The following ARFGEF2 variants were observed in gnomAD, a reference collection of about 807,000 sequenced individuals.
ARFGEF2 encodes brefeldin A-inhibited guanine nucleotide-exchange protein 2.
A neutral mutation model predicts 219.9 loss-of-function variants in ARFGEF2; 74 were observed. The observed-to-expected ratio is 0.34, with a 90% CI of 0.28 to 0.41. The LOEUF is 0.41. ARFGEF2 is among the 10% of genes least tolerant of loss of function. ARFGEF2 has a pLI of 1.00. For synonymous variants in ARFGEF2, 733 were observed against 799.2 expected (o/e 0.92, Z 1.40); for missense variants, 1,743 against 2,218.3 (o/e 0.79, Z 4.30).
chr20:48,967,154 GT>G (rs966125325), intron 8 of ARFGEF2, among the ~76,000 whole-genome samples: 63 of 152,066 alleles, frequency 4.1e-4, no homozygotes, highest in Non-Finnish European at 4.7e-4. Flanking sequence ...CCAGAATAAT[GT>G]TTTTTTCCCC....
chr20:49,006,898 G>A (rs1476452891), intron 26 of ARFGEF2, among the ~76,000 whole-genome samples: 1 of 149,898 alleles, frequency 6.7e-6, no homozygotes, highest in East Asian at 1.9e-4. Context: ...TTTTTTTGAC[G>A]GAGTCTCTCC....
intron 34 of ARFGEF2, among the ~76,000 whole-genome samples, chr20:49,022,432 A>C (rs3091574): frequency 0.55 from 67,499 of 122,016 alleles, 16,113 homozygotes; most frequent in East Asian, 0.67. Flanking sequence ...ACAACAACAA[A>C]AAAAAAAAAC....
At chr20:48,969,351 C>T (rs917206961) in intron 9 of ARFGEF2, 74 bp downstream of exon 9, 9 of 1,611,596 alleles carry the variant, frequency 5.6e-6, no homozygotes, top group East Asian at 2.2e-5. Flanking sequence ...TTCACACTTC[C>T]CTTGTTCCAA....
At chr20:48,924,848 C>T (rs2090866819) in intron 1 of ARFGEF2, among the ~76,000 whole-genome samples, 1 of 152,182 alleles carries the variant, frequency 6.6e-6, no homozygotes, top group Non-Finnish European at 1.5e-5. Flanking sequence ...GGACAAGTTA[C>T]TTCCTTATAG....
At chr20:49,020,845 T>C (rs2426105) in intron 34 of ARFGEF2, among the ~76,000 whole-genome samples, 37,394 of 151,900 alleles carry the variant, frequency 0.25, 5,268 homozygotes, top group East Asian at 0.47. Flanking sequence ...GCAGTGAGAG[T>C]CTACACTCTG....
intron 16 of ARFGEF2, among the ~76,000 whole-genome samples, chr20:48,987,866 C>CA (rs1255776795): frequency 1.3e-5 from 2 of 152,200 alleles, no homozygotes; most frequent in Non-Finnish European, 2.9e-5. Flanking sequence ...CAGCTCACTG[C>CA]AACCTCCACC....
chr20:48,939,425 G>A (rs1306760154), intron 1 of ARFGEF2, among the ~76,000 whole-genome samples: 3 of 151,904 alleles, frequency 2.0e-5, no homozygotes, highest in Non-Finnish European at 4.4e-5. Flanking sequence ...AGTTTGGGCA[G>A]CAGCACCCCT....
chr20:48,982,505 ATGCTGGGAGAACCAC>A (rs2091302689), intron 14 of ARFGEF2, among the ~76,000 whole-genome samples: 1 of 152,148 alleles, frequency 6.6e-6, no homozygotes. Flanking sequence ...CTCAAACACC[ATGCTGGGAGAACCAC>A]TGCTGAGAGC....
At chr20:48,923,992 A>G (rs1053565864) in intron 1 of ARFGEF2, among the ~76,000 whole-genome samples, 2 of 152,246 alleles carry the variant, frequency 1.3e-5, no homozygotes, top group Non-Finnish European at 2.9e-5. Context: ...TACAGGTTAT[A>G]TGAATCACAA....
rs140849743 is a variant in ARFGEF2, at chr20:49,002,302, G to A, written c.3433-2768G>A. 4.5e-3 allele frequency among the ~76,000 whole-genome samples: 692 copies of A among 152,198 alleles called. 6 individuals are homozygous for A. The highest frequency in any genetic ancestry group is 0.016 in the African/African-American group (655 of 41,526). ...ACCATCTTAACAATTTTAAGTGTGCGGTTCAGTAGTGTTAGGTACACTCAC... is the reference window on the plus strand; with the variant it reads ...ACCATCTTAACAATTTTAAGTGTGCAGTTCAGTAGTGTTAGGTACACTCAC... On this transcript the variant is annotated intron_variant, in intron 25 of 38. Transcript: ENST00000371917.
At position 48,969,139 on chromosome 20, in the gene ARFGEF2, G is replaced by C. The variant is rs2091209762; in HGVS notation, c.1060-8G>C. Reference sequence around the variant, plus strand: ...CCACACCCAGCTGATGTTTGTTTCTGATCCTAGGAATCGGATGCACAAGGA... The same window carrying C: ...CCACACCCAGCTGATGTTTGTTTCTCATCCTAGGAATCGGATGCACAAGGA... On this transcript the variant is annotated splice_polypyrimidine_tract_variant and splice_region_variant and intron_variant, in intron 8 of 38. Transcript: ENST00000371917. The C allele has an allele frequency of 6.2e-7, 1 of 1,613,642 alleles. No homozygotes were observed. Among genetic ancestry groups the C allele is most frequent in the Non-Finnish European group, 8.5e-7 (1 of 1,179,888 alleles).
In ARFGEF2 at chr20:48,971,122, C is replaced by A. The variant is rs2091224513; in HGVS notation, c.1193C>A (p.Ser398Tyr). Residue 398 changes from serine to tyrosine, a missense_variant and splice_region_variant, in exon 10 of 39, where the codon TCC (serine) becomes TAC (tyrosine). By Grantham distance (144) the Ser-to-Tyr change is moderately radical (BLOSUM62 -2). Coordinates refer to ENST00000371917, the MANE Select transcript of ARFGEF2 (RefSeq NM_006420.3). ...TGGTTTTTCATTTTCTTTGCCAGAT[C>A]CCATGAGCTGCGTTCCAAGGTGGTT... ...PLGEGPPDPK[S>Y]HELRSKVVSL... 6.2e-7 allele frequency: 1 copy of A among 1,613,796 alleles called. No homozygotes were observed. Among genetic ancestry groups the A allele is most frequent in the African/African-American group, 1.3e-5 (1 of 74,884 alleles).
intron 14 of ARFGEF2, among the ~76,000 whole-genome samples, chr20:48,978,623 GT>G (rs2123435804): frequency 6.6e-6 from 1 of 152,254 alleles, no homozygotes; most frequent in African/African-American, 2.4e-5. Flanking sequence ...TCTTCCATTT[GT>G]TTGTGTCCTC....
chr20:49,023,914 C>T (rs553265776), intron 35 of ARFGEF2, among the ~76,000 whole-genome samples: 7 of 152,084 alleles, frequency 4.6e-5, no homozygotes, highest in African/African-American at 1.2e-4. Flanking sequence ...TCAAGAATTT[C>T]GCTTTTTTTG....
intron 4 of ARFGEF2, among the ~76,000 whole-genome samples, 184 bp from the exon 5 acceptor site, chr20:48,952,521 A>G (rs539694255): frequency 8.5e-5 from 13 of 152,334 alleles, no homozygotes; most frequent in African/African-American, 2.6e-4. Flanking sequence ...TTCAACTAAC[A>G]GCCATAGGAG....
intron 4 of ARFGEF2, 35 bp downstream of exon 4, chr20:48,951,504 T>G: frequency 6.2e-7 from 1 of 1,613,888 alleles, no homozygotes; most frequent in African/African-American, 1.3e-5. Context: ...GGTTTTTAAA[T>G]TAGAAAGCAA....
chr20:48,968,590 T>C (rs2091205840), intron 8 of ARFGEF2, among the ~76,000 whole-genome samples: 1 of 151,538 alleles, frequency 6.6e-6, no homozygotes, highest in Admixed American at 6.6e-5. Context: ...TGGAACTCCT[T>C]ACCTGAACTG....
intron 22 of ARFGEF2, among the ~76,000 whole-genome samples, chr20:48,995,017 C>T (rs1488738930): frequency 6.6e-6 from 1 of 152,104 alleles, no homozygotes; most frequent in Non-Finnish European, 1.5e-5. Context: ...TCTGGCTATA[C>T]ATTGGATTGA....
intron 8 of ARFGEF2, among the ~76,000 whole-genome samples, chr20:48,966,869 GAC>G (rs2123402725): frequency 6.6e-6 from 1 of 152,244 alleles, no homozygotes; most frequent in African/African-American, 2.4e-5. Flanking sequence ...GTTTGTTTGA[GAC>G]ACAGTCTCAC....
Sources: allele counts gnomAD v4.1 joint callset (sites outside exome capture counted in the v4.1 genomes callset), GRCh38; gene constraint gnomAD v4.1.1; transcripts MANE v1.5; gene names NCBI Gene and HGNC (gene_info 2026-07-23, HGNC 2026-07-21).